ARHGAP20: variants seen among roughly 807,000 people sequenced by gnomAD.
The protein encoded by ARHGAP20 is Rho GTPase activating protein 20.
A neutral mutation model predicts 73.7 loss-of-function variants in ARHGAP20; 34 were observed. That is an observed-to-expected ratio of 0.46 (90% CI 0.35 to 0.61). ARHGAP20 has a LOEUF of 0.61. Among genes scored for constraint, ARHGAP20 ranks in the 20% least tolerant of loss-of-function variants. The pLI is 0.00. For synonymous variants in ARHGAP20, 523 were observed against 518.2 expected, an observed-to-expected ratio of 1.01 and a Z score of -0.13; for missense variants, 1,314 against 1,420.9, an observed-to-expected ratio of 0.92 and a Z score of 1.21.
At chr11:110,692,029 TATC>T (rs1401754803) in intron 1 of ARHGAP20, among the ~76,000 whole-genome samples, 1 of 152,160 alleles carries the variant, frequency 6.6e-6, no homozygotes, top group African/African-American at 2.4e-5. Flanking sequence ...AGCCCGGAGT[TATC>T]ATCGGATTCC....
intron 2 of ARHGAP20, among the ~76,000 whole-genome samples, chr11:110,682,764 A>T (rs1950061219): frequency 1.3e-5 from 2 of 152,150 alleles, no homozygotes; most frequent in African/African-American, 4.8e-5. Context: ...ATAATAACTA[A>T]GTTAATATTC....
intron 1 of ARHGAP20, 49 bp downstream of exon 1, chr11:110,712,078 G>A (rs1027386062): frequency 7.9e-7 from 1 of 1,258,422 alleles, no homozygotes; most frequent in East Asian, 3.2e-5. Context: ...CGCGCCGGCA[G>A]TGGGGGCTGC....
At chr11:110,586,102 A>G (rs1015447760) in intron 12 of ARHGAP20, 114 bp downstream of exon 12, 2 of 504,182 alleles carry the variant, frequency 4.0e-6, no homozygotes, top group South Asian at 5.9e-5. Context: ...GCATACATCT[A>G]TTTTTAAACT....
At chr11:110,672,437 C>A (rs73008147) in intron 2 of ARHGAP20, among the ~76,000 whole-genome samples, 2,787 of 151,978 alleles carry the variant, frequency 0.018, 43 homozygotes, top group Middle Eastern at 0.058. Context: ...AAATTAAAAC[C>A]ACAAAGGGAT....
At chr11:110,617,898 G>C (rs1948518344) in intron 4 of ARHGAP20, among the ~76,000 whole-genome samples, 1 of 152,214 alleles carries the variant, frequency 6.6e-6, no homozygotes, top group Non-Finnish European at 1.5e-5. Context: ...GGGCATGGCA[G>C]ATTAGAAGAT....
intron 14 of ARHGAP20, among the ~76,000 whole-genome samples, chr11:110,581,812 G>A (rs533671354): frequency 6.6e-6 from 1 of 151,862 alleles, no homozygotes; most frequent in South Asian, 2.1e-4. Flanking sequence ...TCTGAAGGCA[G>A]CTGTATGTCT....
chr11:110,644,088 A>T (rs1240147444), intron 2 of ARHGAP20, among the ~76,000 whole-genome samples: 1 of 152,116 alleles, frequency 6.6e-6, no homozygotes, highest in Non-Finnish European at 1.5e-5. Flanking sequence ...AATACCTAAG[A>T]ATACAGTTAA....
intron 9 of ARHGAP20, among the ~76,000 whole-genome samples, chr11:110,600,019 T>A (rs1482802436): frequency 6.6e-6 from 1 of 152,226 alleles, no homozygotes; most frequent in Non-Finnish European, 1.5e-5. Context: ...AGAAAGGAGC[T>A]GCCCCCTGTG....
At chr11:110,618,097 C>T (rs1226585624) in intron 4 of ARHGAP20, among the ~76,000 whole-genome samples, 1 of 152,116 alleles carries the variant, frequency 6.6e-6, no homozygotes, top group Non-Finnish European at 1.5e-5. Flanking sequence ...CCACCCACCC[C>T]CTGCCCCCCT....
chr11:110,583,515 C>A (rs1250041046), intron 13 of ARHGAP20, 33 bp downstream of exon 13: 2 of 1,519,588 alleles, frequency 1.3e-6, no homozygotes, highest in African/African-American at 1.4e-5. Context: ...GGGACTCAGT[C>A]TCCCAGGGCA....
rs538912782 is a variant in ARHGAP20, at chr11:110,626,295, G to GA, written c.354-1985dup. 2.8e-3 allele frequency among the ~76,000 whole-genome samples: 426 copies of GA among 152,120 alleles called. 2 individuals are homozygous for GA. The highest frequency in any genetic ancestry group is 9.9e-3 in the African/African-American group (412 of 41,490). Reference sequence around the variant, plus strand: ...GGGAACATCCACATCCGTTGACCTGGAAAAAAAGTCATCCCAAAGATCCTT... The same window carrying GA: ...GGGAACATCCACATCCGTTGACCTGGAAAAAAAAGTCATCCCAAAGATCCTT... On this transcript the variant is annotated intron_variant, in intron 3 of 14. Transcript: ENST00000683387.
chr11:110,698,163 A>G (rs10891166), intron 1 of ARHGAP20, among the ~76,000 whole-genome samples: 19,414 of 151,762 alleles, frequency 0.13, 2,013 homozygotes, highest in African/African-American at 0.29. Context: ...CCTTTTCTGC[A>G]TCTATTAAGA....
intron 1 of ARHGAP20, among the ~76,000 whole-genome samples, chr11:110,704,497 G>C (rs921077075): frequency 3.9e-5 from 6 of 152,134 alleles, no homozygotes; most frequent in African/African-American, 1.4e-4. Context: ...GGTTATTTCT[G>C]CTGTCAGTTA....
chr11:110,666,747 A>G (rs1479135859), intron 2 of ARHGAP20, among the ~76,000 whole-genome samples: 1 of 152,152 alleles, frequency 6.6e-6, no homozygotes, highest in Admixed American at 6.5e-5. Context: ...TTACTATTTT[A>G]TCTGTTGTGA....
rs1947327100 is a variant in ARHGAP20, at chr11:110,577,780, A to G, written c.*1590T>C. ...TAGCGCAAACAGGGCCATGTCCCCA[A>G]GAGGTAGGTAGCACCTATAGCTAAT... On this transcript the variant is annotated 3_prime_UTR_variant, in exon 15 of 15. Transcript: ENST00000683387. The G allele has an allele frequency of 2.0e-6, 2 of 985,908 alleles. No homozygotes were observed. Among genetic ancestry groups the G allele is most frequent in the Non-Finnish European group, 2.4e-6 (2 of 829,938 alleles). The allele number at this position is 985,908 out of a possible 1,614,324, so 61.1% of individuals were successfully genotyped here.
intron 2 of ARHGAP20, among the ~76,000 whole-genome samples, chr11:110,670,446 T>G (rs906963721): frequency 6.6e-6 from 1 of 152,016 alleles, no homozygotes; most frequent in Non-Finnish European, 1.5e-5. Context: ...TATGCATAAC[T>G]CTGCATCAAT....
chr11:110,601,104 G>A (rs1457537031), intron 9 of ARHGAP20, among the ~76,000 whole-genome samples: 1 of 152,124 alleles, frequency 6.6e-6, no homozygotes, highest in African/African-American at 2.4e-5. Flanking sequence ...TTTGTTTCCA[G>A]GGGAGAAAAC....
intron 2 of ARHGAP20, among the ~76,000 whole-genome samples, chr11:110,632,330 C>G (rs1040953913): frequency 6.6e-6 from 1 of 152,176 alleles, no homozygotes; most frequent in Non-Finnish European, 1.5e-5. Flanking sequence ...TGCTCCACGA[C>G]CTTGCTAACA....
intron 9 of ARHGAP20, among the ~76,000 whole-genome samples, chr11:110,602,713 A>C (rs530972402): frequency 6.6e-6 from 1 of 152,350 alleles, no homozygotes; most frequent in African/African-American, 2.4e-5. Flanking sequence ...TGAGGGCATT[A>C]GGAGTAATAT....
Sources: gnomAD v4.1 joint callset for allele counts (sites outside exome capture counted in the v4.1 genomes callset) on GRCh38, gnomAD v4.1.1 for gene constraint, MANE v1.5 for transcripts, NCBI Gene and HGNC (gene_info 2026-07-23, HGNC 2026-07-21) for gene names.